The following C1QTNF7 variants were observed in gnomAD, a reference collection of about 807,000 sequenced individuals.
C1QTNF7 encodes C1q and TNF related 7, also known as complement C1q tumor necrosis factor-related protein 7.
In C1QTNF7, 15 loss-of-function variants were observed where a neutral mutation model predicts 19.6. The ratio of observed to expected loss-of-function variants is 0.76; its 90% CI spans 0.51 to 1.18. The LOEUF (loss-of-function observed/expected upper bound fraction) is 1.18, where lower values mean the gene tolerates loss of function less well. Among genes scored for constraint, C1QTNF7 ranks in the 50% most tolerant of loss-of-function variants. C1QTNF7 has a pLI of 0.00. For synonymous variants in C1QTNF7, 142 were observed against 137.5 expected (o/e 1.03, Z -0.23); for missense variants, 324 against 359.7 (o/e 0.90, Z 0.80).
intron 1 of C1QTNF7, among the ~76,000 whole-genome samples, chr4:15,369,965 G>T (rs1242560612): frequency 6.6e-6 from 1 of 152,172 alleles, no homozygotes; most frequent in Non-Finnish European, 1.5e-5. Flanking sequence ...GAACTGTAAA[G>T]AATCTATACA....
At chr4:15,374,665 T>C (rs1178548594) in intron 1 of C1QTNF7, 2 of 985,186 alleles carry the variant, frequency 2.0e-6, no homozygotes, top group East Asian at 1.1e-4. Context: ...CAAAGAATTA[T>C]GAATAATCCT....
intron 1 of C1QTNF7, among the ~76,000 whole-genome samples, chr4:15,394,070 T>C (rs1369402559): frequency 6.6e-6 from 1 of 152,142 alleles, no homozygotes; most frequent in Non-Finnish European, 1.5e-5. Flanking sequence ...AGCAGAACCC[T>C]GAAGGAGATG....
chr4:15,415,996 G>A (rs1719591835), intron 1 of C1QTNF7, among the ~76,000 whole-genome samples: 1 of 152,116 alleles, frequency 6.6e-6, no homozygotes, highest in African/African-American at 2.4e-5. Flanking sequence ...TAACAGTGTT[G>A]TACATAGAGC....
intron 1 of C1QTNF7, among the ~76,000 whole-genome samples, chr4:15,350,334 AGGAG>A (rs1271885294): frequency 8.3e-4 from 3 of 3,608 alleles, no homozygotes; most frequent in African/African-American, 3.5e-3. Context: ...GAGGAAAGAA[AGGAG>A]GGAGGGAGGG....
At chr4:15,434,061 CCTT>C (rs1712432401) in intron 1 of C1QTNF7, among the ~76,000 whole-genome samples, 1 of 151,986 alleles carries the variant, frequency 6.6e-6, no homozygotes, top group Non-Finnish European at 1.5e-5. Flanking sequence ...TCAGAAAGTG[CCTT>C]AATTCCAGTT....
Position 15,371,603 on chromosome 4 carries a change from T to G in C1QTNF7, c.13+31396T>G, listed in dbSNP as rs529882180. Reference sequence around the variant, plus strand: ...ACCACTACAATAATAAAATGACACTTATGACATCCTATGAAAGGAGAAAAA... The same window carrying G: ...ACCACTACAATAATAAAATGACACTGATGACATCCTATGAAAGGAGAAAAA... On this transcript the variant is annotated intron_variant, in intron 1 of 2. Transcript: ENST00000295297. Among the ~76,000 whole-genome samples the G allele has an allele frequency of 3.3e-5, 5 of 152,180 alleles. No homozygotes were observed. The South Asian group carries it at 8.3e-4, about 25-fold the overall frequency.
chr4:15,436,265 G>A (rs147326633), intron 2 of C1QTNF7, among the ~76,000 whole-genome samples: 17 of 152,306 alleles, frequency 1.1e-4, no homozygotes, highest in African/African-American at 3.9e-4. Context: ...AGAATGGACC[G>A]GGGTGGATGT....
intron 1 of C1QTNF7, among the ~76,000 whole-genome samples, chr4:15,375,770 G>C (rs745722717): frequency 1.3e-5 from 2 of 152,124 alleles, no homozygotes; most frequent in Non-Finnish European, 2.9e-5. Context: ...CACACCCTCA[G>C]CCTGGGTTGT....
chr4:15,420,623 T>C (rs1264569336), intron 1 of C1QTNF7, among the ~76,000 whole-genome samples: 7 of 152,184 alleles, frequency 4.6e-5, no homozygotes, highest in Admixed American at 2.6e-4. Context: ...TTTCAATTTA[T>C]AGAAGAGAAC....
In C1QTNF7 at chr4:15,445,363, C is replaced by A. The variant is rs773446213; in HGVS notation, c.*2564C>A. The A allele has an allele frequency of 6.6e-6, 1 of 152,200 alleles. No homozygotes were observed. The highest frequency in any genetic ancestry group is 2.4e-5 in the African/African-American group (1 of 41,468). 9.4% of individuals were successfully genotyped at this position (152,200 alleles called of 1,614,324 possible). A position where few individuals can be genotyped will look rare whatever the true frequency, so the allele number is the denominator to read the frequency against. On this transcript the variant is annotated 3_prime_UTR_variant, in exon 3 of 3. Transcript: ENST00000444304. ...TAAACTGGAAATGGAGAAGTTATTG[C>A]AGACAGTCATGAACCACAAATCACT...
rs555051765 is a variant in C1QTNF7 at position 15,445,309 on chromosome 4, G to T, written c.*2510G>T. 3.3e-5 allele frequency: 5 copies of T among 152,296 alleles called. No individual in the cohort carries two copies. The highest frequency in any genetic ancestry group is 1.2e-4 in the African/African-American group (5 of 41,576). 9.4% of individuals were successfully genotyped at this position (152,296 alleles called of 1,614,324 possible). A position where few individuals can be genotyped will look rare whatever the true frequency, so the allele number is the denominator to read the frequency against. On this transcript the variant is annotated 3_prime_UTR_variant, in exon 3 of 3. Coordinates refer to ENST00000444304, the MANE Select transcript of C1QTNF7 (RefSeq NM_031911.5). The stretch of plus-strand genomic sequence containing the variant: ...TAATCCGGGAAAAGTGAACATATGG[G>T]CCCTTTAAAGACTACAAGATTTGCT...
At chr4:15,440,686 G>GTT (rs1299899756) in intron 2 of C1QTNF7, among the ~76,000 whole-genome samples, 4 of 152,052 alleles carry the variant, frequency 2.6e-5, no homozygotes, top group African/African-American at 9.7e-5. Flanking sequence ...GATTACAGGC[G>GTT]TGAGTCACTG....
At chr4:15,388,193 A>C (rs1172524638) in intron 1 of C1QTNF7, among the ~76,000 whole-genome samples, 2 of 152,260 alleles carry the variant, frequency 1.3e-5, no homozygotes, top group Non-Finnish European at 2.9e-5. Flanking sequence ...AGAGGTTTAA[A>C]GATAGAGAAG....
At chr4:15,383,295 AG>A (rs1177118432) in intron 1 of C1QTNF7, among the ~76,000 whole-genome samples, 1 of 152,156 alleles carries the variant, frequency 6.6e-6, no homozygotes, top group Non-Finnish European at 1.5e-5. Context: ...TGCTAGGTTC[AG>A]GGCAGAGGGA....
chr4:15,408,011 G>A (rs973724211), intron 1 of C1QTNF7, among the ~76,000 whole-genome samples: 1 of 152,206 alleles, frequency 6.6e-6, no homozygotes, highest in South Asian at 2.1e-4. Context: ...GCTCACGCCT[G>A]TAATCCCAGC....
intron 1 of C1QTNF7, among the ~76,000 whole-genome samples, chr4:15,365,245 T>C (rs948166137): frequency 6.6e-6 from 1 of 152,148 alleles, no homozygotes. Flanking sequence ...AGATCTCTTT[T>C]TTTTTTCAGG....
intron 1 of C1QTNF7, among the ~76,000 whole-genome samples, chr4:15,387,858 T>G (rs1185765803): frequency 6.6e-6 from 1 of 152,184 alleles, no homozygotes; most frequent in Non-Finnish European, 1.5e-5. Context: ...TACATATATA[T>G]AGATATACAG....
chr4:15,412,567 A>G (rs1211579501), intron 1 of C1QTNF7, among the ~76,000 whole-genome samples: 1 of 152,150 alleles, frequency 6.6e-6, no homozygotes, highest in African/African-American at 2.4e-5. Flanking sequence ...ATTACAGCAC[A>G]GGGCCCACTT....
Position 15,442,747 on chromosome 4 carries a change from T to C in C1QTNF7, c.818T>C (p.Leu273Ser), listed in dbSNP as rs777288466. The change falls in exon 3 of 3, where the codon TTA becomes TCA. Residue 273 changes from leucine to serine, a missense_variant. By Grantham distance (145) the Leu-to-Ser change is moderately radical (BLOSUM62 -2). Transcript: ENST00000444304. ...WADSLFSGFL[L>S]YVDTDYLDSI... ...GACAGCTTATTCTCCGGGTTTCTCT[T>C]ATACGTTGACACAGATTACCTAGAT... 2 of 1,614,006 alleles carry C rather than the reference T, an allele frequency of 1.2e-6. No homozygotes were observed. Among genetic ancestry groups the C allele is most frequent in the East Asian group, 2.2e-5 (1 of 44,874 alleles).
Sources: gnomAD v4.1 joint callset for allele counts (sites outside exome capture counted in the v4.1 genomes callset) on GRCh38, gnomAD v4.1.1 for gene constraint, MANE v1.5 for transcripts, NCBI Gene and HGNC (gene_info 2026-07-23, HGNC 2026-07-21) for gene names.